C12orf42: variants seen among roughly 807,000 people sequenced by gnomAD.
C12orf42 encodes uncharacterized protein C12orf42.
A neutral mutation model predicts 21.6 loss-of-function variants in C12orf42; 25 were observed. The observed-to-expected ratio is 1.16, with a 90% CI of 0.84 to 1.62. The LOEUF is 1.62. Among genes scored for constraint, C12orf42 ranks in the 40% most tolerant of loss-of-function variants. C12orf42 has a pLI of 0.00. For synonymous variants in C12orf42, 174 were observed against 175.0 expected, an observed-to-expected ratio of 0.99 and a Z score of 0.05; for missense variants, 483 against 459.3, an observed-to-expected ratio of 1.05 and a Z score of -0.47.
At chr12:103,561,815 G>A in the C12orf42 span, among the ~76,000 whole-genome samples, 1 of 152,086 alleles carries the variant, frequency 6.6e-6, no homozygotes, top group Admixed American at 6.5e-5. Flanking sequence ...CCTCTCTGCC[G>A]ATATTACTAC....
At chr12:103,438,961 G>A (rs1293371577) in intron 2 of C12orf42, among the ~76,000 whole-genome samples, 5 of 152,292 alleles carry the variant, frequency 3.3e-5, no homozygotes, top group Middle Eastern at 6.8e-3. Flanking sequence ...GCAATCATAA[G>A]GCAAAAGAAC....
the C12orf42 span, among the ~76,000 whole-genome samples, chr12:103,054,109 C>A: frequency 6.6e-6 from 1 of 151,694 alleles, no homozygotes; most frequent in East Asian, 1.9e-4. Context: ...ATAATCTTGT[C>A]TAGATATATA....
intron 2 of C12orf42, among the ~76,000 whole-genome samples, chr12:103,441,070 A>C (rs1337771788): frequency 6.6e-6 from 1 of 152,170 alleles, no homozygotes; most frequent in Non-Finnish European, 1.5e-5. Context: ...GGCCAGCATC[A>C]TTTTTAATTG....
At chr12:103,358,743 C>T (rs2043810909) in intron 4 of C12orf42, among the ~76,000 whole-genome samples, 1 of 152,092 alleles carries the variant, frequency 6.6e-6, no homozygotes. Flanking sequence ...CCCACTCATT[C>T]CCATCTGTCA....
the C12orf42 span, among the ~76,000 whole-genome samples, chr12:103,157,921 C>T: frequency 1.3e-5 from 2 of 152,166 alleles, no homozygotes; most frequent in South Asian, 4.1e-4. Flanking sequence ...TATGGAAATT[C>T]AGAAATAGTA....
At chr12:103,436,866 G>C (rs1433114049) in intron 2 of C12orf42, among the ~76,000 whole-genome samples, 2 of 149,106 alleles carry the variant, frequency 1.3e-5, no homozygotes, top group East Asian at 2.0e-4. Context: ...AGTCAACAAG[G>C]ATACCCAGGA....
intron 4 of C12orf42, among the ~76,000 whole-genome samples, chr12:103,359,544 A>C (rs1405407511): frequency 6.6e-6 from 1 of 152,100 alleles, no homozygotes; most frequent in Non-Finnish European, 1.5e-5. Flanking sequence ...CGTTTGATTT[A>C]AGAAATTACA....
chr12:103,527,642 T>C, the C12orf42 span, among the ~76,000 whole-genome samples: 10 of 152,188 alleles, frequency 6.6e-5, no homozygotes, highest in African/African-American at 2.4e-4. Flanking sequence ...TACAAACACA[T>C]AGCTATGCAG....
At chr12:103,250,087 CT>C (rs377122123) in intron 10 of C12orf42, among the ~76,000 whole-genome samples, 111 of 131,694 alleles carry the variant, frequency 8.4e-4, no homozygotes, top group Admixed American at 1.5e-3. Context: ...ATCTATCTAT[CT>C]ATCTATCTAT....
chr12:103,540,663 T>A, the C12orf42 span, among the ~76,000 whole-genome samples: 1 of 152,212 alleles, frequency 6.6e-6, no homozygotes, highest in Non-Finnish European at 1.5e-5. Context: ...CTCCAATCTT[T>A]CTGTATCCTG....
At chr12:103,191,282 A>G in the C12orf42 span, among the ~76,000 whole-genome samples, 1 of 146,998 alleles carries the variant, frequency 6.8e-6, no homozygotes, top group East Asian at 2.0e-4. Flanking sequence ...AATTGAAACA[A>G]AATGACACTA....
At position 103,410,040 on chromosome 12, in the gene C12orf42, T is replaced by C. The variant is rs1319565633; in HGVS notation, c.79-8365A>G. Among the ~76,000 whole-genome samples, 5 of 152,176 alleles carry C rather than the reference T, an allele frequency of 3.3e-5. No individual in the cohort carries two copies. The South Asian group carries it at 8.3e-4, about 25-fold the overall frequency. ...GAAATTACATTCCTAAGTGACACCG[T>C]AAGGAGAATCTCAGAATCTGGGGCC... On this transcript the variant is annotated intron_variant, in intron 2 of 5. Transcript: ENST00000548883.
At chr12:103,327,125 C>T (rs2040784025) in intron 4 of C12orf42, among the ~76,000 whole-genome samples, 1 of 152,124 alleles carries the variant, frequency 6.6e-6, no homozygotes, top group Non-Finnish European at 1.5e-5. Context: ...AGCTGGAGAT[C>T]CCAGGTTCCT....
At chr12:103,175,423 T>C in the C12orf42 span, among the ~76,000 whole-genome samples, 12 of 152,154 alleles carry the variant, frequency 7.9e-5, no homozygotes, top group South Asian at 4.1e-4. Context: ...AACAAGAAAA[T>C]GTTGCAAAGC....
chr12:103,468,870 C>A (rs1301755255), intron 2 of C12orf42, among the ~76,000 whole-genome samples: 1 of 152,184 alleles, frequency 6.6e-6, no homozygotes, highest in East Asian at 1.9e-4. Context: ...GACATTTGTG[C>A]TGGTGATGAC....
At chr12:103,091,790 CT>C in the C12orf42 span, among the ~76,000 whole-genome samples, 1 of 152,120 alleles carries the variant, frequency 6.6e-6, no homozygotes, top group African/African-American at 2.4e-5. Flanking sequence ...TTGAAATCAC[CT>C]TTTTTTCCAA....
At chr12:103,264,906 A>G (rs1459406584), downstream of C12orf42, among the ~76,000 whole-genome samples, 1 of 152,138 alleles carries the variant, frequency 6.6e-6, no homozygotes, top group East Asian at 1.9e-4. Context: ...AAGCAACATT[A>G]TCACTCATTC....
chr12:103,294,649 GAGAA>G (rs752632520), intron 4 of C12orf42, among the ~76,000 whole-genome samples: 21 of 143,412 alleles, frequency 1.5e-4, no homozygotes, highest in East Asian at 8.4e-4. Flanking sequence ...GGAAAAGAAA[GAGAA>G]AGAAAGAAAG....
intron 2 of C12orf42, among the ~76,000 whole-genome samples, chr12:103,449,905 ATATTT>A (rs1258177623): frequency 2.0e-5 from 3 of 151,572 alleles, no homozygotes; most frequent in Non-Finnish European, 2.9e-5. Flanking sequence ...AAATATAAAT[ATATTT>A]TATTTTTTCT....
Sources: gnomAD v4.1 joint callset for allele counts (sites outside exome capture counted in the v4.1 genomes callset) on GRCh38, gnomAD v4.1.1 for gene constraint, MANE v1.5 for transcripts, NCBI Gene and HGNC (gene_info 2026-07-23, HGNC 2026-07-21) for gene names.